Variants in TMEM267 observed in about 807,000 individuals in gnomAD.
TMEM267 encodes transmembrane protein C5orf28.
A neutral mutation model predicts 19.3 loss-of-function variants in TMEM267; 20 were observed. That is an observed-to-expected ratio of 1.04 (90% CI 0.73 to 1.51). The LOEUF is 1.51. TMEM267 is among the 40% of genes most tolerant of loss of function. The probability of loss-of-function intolerance (pLI) is 0.00; values close to 1 mark genes in which losing one functional copy is unlikely to be tolerated. For synonymous variants in TMEM267, 88 were observed against 90.3 expected (o/e 0.97, Z 0.15); for missense variants, 242 against 261.9 (o/e 0.92, Z 0.52).
At chr5:43,451,682 C>T (rs809051) in intron 2 of TMEM267, among the ~76,000 whole-genome samples, 23,008 of 152,166 alleles carry the variant, frequency 0.15, 2,810 homozygotes, top group East Asian at 0.66. Context: ...CTATGGAAAA[C>T]AATATGGAGA....
At chr5:43,471,595 ACAT>A (rs1418326048) in intron 1 of TMEM267, among the ~76,000 whole-genome samples, 3 of 152,192 alleles carry the variant, frequency 2.0e-5, no homozygotes, top group South Asian at 2.1e-4. Flanking sequence ...AAAAACAGAC[ACAT>A]CAGCCAATGA....
At chr5:43,466,310 A>C (rs1743667977) in intron 1 of TMEM267, among the ~76,000 whole-genome samples, 1 of 152,222 alleles carries the variant, frequency 6.6e-6, no homozygotes, top group African/African-American at 2.4e-5. Flanking sequence ...CAGACTTTTC[A>C]GTGGAAACCT....
intron 1 of TMEM267, among the ~76,000 whole-genome samples, chr5:43,463,655 C>G (rs1328578998): frequency 2.0e-5 from 3 of 152,156 alleles, no homozygotes; most frequent in African/African-American, 7.2e-5. Flanking sequence ...TCAATATACT[C>G]AAATCAATAA....
chr5:43,468,366 A>T (rs973152643), intron 1 of TMEM267, among the ~76,000 whole-genome samples: 1 of 152,116 alleles, frequency 6.6e-6, no homozygotes, highest in African/African-American at 2.4e-5. Flanking sequence ...GTCAGCTTGC[A>T]CAAGTTAAGT....
chr5:43,456,805 A>G (rs1247235336), intron 1 of TMEM267, among the ~76,000 whole-genome samples: 1 of 152,250 alleles, frequency 6.6e-6, no homozygotes, highest in Non-Finnish European at 1.5e-5. Flanking sequence ...CGGAATAAAA[A>G]ACAGTATGAC....
intron 1 of TMEM267, chr5:43,480,136 C>G (rs1744671080): frequency 3.9e-6 from 1 of 257,042 alleles, no homozygotes; most frequent in Non-Finnish European, 7.6e-6. Context: ...AATGGCCAAC[C>G]CAGAGCAGCG....
intron 1 of TMEM267, among the ~76,000 whole-genome samples, chr5:43,458,723 T>A (rs908816260): frequency 1.3e-5 from 2 of 152,148 alleles, no homozygotes; most frequent in Non-Finnish European, 2.9e-5. Context: ...GTACACTTCA[T>A]TGATTATAAA....
chr5:43,453,337 CCT>C lies in TMEM267; in HGVS notation c.312+319_312+320del, dbSNP rs536517981. 1.1e-4 allele frequency among the ~76,000 whole-genome samples: 16 copies of C among 152,296 alleles called. No homozygotes were observed. In the South Asian group the frequency reaches 1.4e-3, roughly 14 times the overall value. On this transcript the variant is annotated intron_variant, in intron 2 of 2. Coordinates refer to ENST00000397080, the MANE Select transcript of TMEM267 (RefSeq NM_022483.5). ...AACTAGGACAGCCTTGAGAATCACC[CCT>C]GTTAATTTAAACCGGTTTGCTAATA...
intron 1 of TMEM267, among the ~76,000 whole-genome samples, chr5:43,474,342 AT>A (rs1744276582): frequency 6.6e-6 from 1 of 152,218 alleles, no homozygotes; most frequent in East Asian, 1.9e-4. Flanking sequence ...CTGGGAGAAA[AT>A]TTTTTGCAAT....
At chr5:43,457,093 G>C (rs1410666551) in intron 1 of TMEM267, among the ~76,000 whole-genome samples, 1 of 152,162 alleles carries the variant, frequency 6.6e-6, no homozygotes. Flanking sequence ...GTAAGTGAAA[G>C]AAGTCAAACA....
intron 2 of TMEM267, among the ~76,000 whole-genome samples, chr5:43,447,433 T>C (rs753234786): frequency 6.6e-6 from 1 of 152,254 alleles, no homozygotes; most frequent in Non-Finnish European, 1.5e-5. Context: ...GTATACTCAA[T>C]ATCTGAACCA....
At chr5:43,483,013 G>A (rs929945051) in intron 1 of TMEM267, among the ~76,000 whole-genome samples, 2 of 152,086 alleles carry the variant, frequency 1.3e-5, no homozygotes, top group African/African-American at 4.8e-5. Context: ...GTCAAAACAC[G>A]GTCCAAATTC....
chr5:43,465,333 G>A (rs191101752), intron 1 of TMEM267, among the ~76,000 whole-genome samples: 466 of 152,254 alleles, frequency 3.1e-3, no homozygotes, highest in African/African-American at 0.01. Context: ...ATGTGGATGT[G>A]GAGAAATAGG....
chr5:43,465,355 A>T (rs1743587954), intron 1 of TMEM267, among the ~76,000 whole-genome samples: 1 of 152,216 alleles, frequency 6.6e-6, no homozygotes, highest in African/African-American at 2.4e-5. Context: ...ACACTTTTAC[A>T]CTGTTGGTGG....
At chr5:43,466,442 CCAGA>C (rs1192250751) in intron 1 of TMEM267, among the ~76,000 whole-genome samples, 1 of 152,016 alleles carries the variant, frequency 6.6e-6, no homozygotes, top group Admixed American at 6.6e-5. Flanking sequence ...AAAAACTTTC[CCAGA>C]CAAACAAACA....
intron 1 of TMEM267, among the ~76,000 whole-genome samples, chr5:43,468,128 G>A (rs1466309496): frequency 6.6e-6 from 1 of 151,900 alleles, no homozygotes; most frequent in Non-Finnish European, 1.5e-5. Flanking sequence ...GGGGAGTGGG[G>A]GGGCGGGTGT....
chr5:43,457,707 C>G (rs1409936692), intron 1 of TMEM267, among the ~76,000 whole-genome samples: 2 of 151,788 alleles, frequency 1.3e-5, no homozygotes, highest in African/African-American at 4.8e-5. Flanking sequence ...CAAATCCAAA[C>G]CATATCAGTT....
intron 2 of TMEM267, among the ~76,000 whole-genome samples, chr5:43,448,793 C>CCA (rs1554031180): frequency 3.3e-5 from 5 of 150,232 alleles, no homozygotes; most frequent in African/African-American, 1.2e-4. Context: ...AACCCCCCCC[C>CCA]ACAAAAAAAA....
At chr5:43,462,700 T>A (rs1176624174) in intron 1 of TMEM267, among the ~76,000 whole-genome samples, 2 of 152,094 alleles carry the variant, frequency 1.3e-5, no homozygotes, top group Non-Finnish European at 2.9e-5. Flanking sequence ...GAAGAATTAG[T>A]GAGCTTGAAG....
Sources: gnomAD v4.1 joint callset for allele counts (sites outside exome capture counted in the v4.1 genomes callset) on GRCh38, gnomAD v4.1.1 for gene constraint, MANE v1.5 for transcripts, NCBI Gene and HGNC (gene_info 2026-07-23, HGNC 2026-07-21) for gene names.